The following PUDP variants were observed in gnomAD, a reference collection of about 807,000 sequenced individuals.
PUDP encodes pseudouridine-5'-phosphatase.
Under a neutral mutation model 9.4 loss-of-function variants are expected in PUDP, and 8 were observed. The observed-to-expected ratio is 0.85, with a 90% CI of 0.50 to 1.53. PUDP has a LOEUF of 1.53. Among genes scored for constraint, PUDP ranks in the 40% most tolerant of loss-of-function variants. PUDP has a pLI of 0.00. For missense variants in PUDP, 188 were observed against 189.7 expected, an observed-to-expected ratio of 0.99 and a Z score of 0.05; for synonymous variants, 99 against 80.7, an observed-to-expected ratio of 1.23 and a Z score of -1.22.
intron 3 of PUDP, among the ~76,000 whole-genome samples, chrX:6,762,215 C>T (rs759338177): frequency 2.4e-4 from 27 of 111,582 alleles, no homozygotes; most frequent in Non-Finnish European, 4.7e-4. Context: ...TAAAGCCATA[C>T]TTCCTGCGCC....
intron 1 of PUDP, among the ~76,000 whole-genome samples, chrX:7,016,207 C>T (rs963834442): frequency 1.8e-5 from 2 of 110,406 alleles, no homozygotes; most frequent in Non-Finnish European, 3.8e-5. Context: ...GTGGCATGTA[C>T]CTGCAGTCCT....
intron 1 of PUDP, among the ~76,000 whole-genome samples, chrX:7,039,549 A>G (rs1301138355): frequency 1.8e-5 from 2 of 111,645 alleles, no homozygotes; most frequent in Non-Finnish European, 3.8e-5. Flanking sequence ...ACACAGACAC[A>G]CACAGAGAGA....
At chrX:7,082,236 G>A (rs1356459353) in intron 2 of PUDP, among the ~76,000 whole-genome samples, 1 of 112,189 alleles carries the variant, frequency 8.9e-6, no homozygotes, top group African/African-American at 3.2e-5. Flanking sequence ...CTGTGAGTGG[G>A]AAGAAACGCT....
At position 7,115,813 on chromosome X, in the gene PUDP, G is replaced by A. The variant is rs143860022; in HGVS notation, c.62-9975C>T. On this transcript the variant is annotated intron_variant, in intron 1 of 3. Transcript: ENST00000381077. ...ACTTCACTCCCAGAGTCACGTCCAC[G>A]CACGTGGCTGCAAGGGGGAGCTGGC... Among the ~76,000 whole-genome samples, 802 of 112,562 alleles carry A rather than the reference G, an allele frequency of 7.1e-3. 6 individuals carry two copies. The highest frequency in any genetic ancestry group is 0.025 in the African/African-American group (768 of 30,973).
intron 3 of PUDP, among the ~76,000 whole-genome samples, chrX:7,065,582 C>T (rs1179449098): frequency 1.8e-5 from 2 of 112,148 alleles, no homozygotes; most frequent in African/African-American, 6.5e-5. Flanking sequence ...CATAACGAGG[C>T]TGAATTCACT....
In PUDP at chrX:7,037,925, A is replaced by G. The variant is rs182503388; in HGVS notation, c.204+39295T>C. Among the ~76,000 whole-genome samples the G allele has an allele frequency of 3.7e-3, 412 of 111,790 alleles. 2 individuals carry two copies. Among genetic ancestry groups the G allele is most frequent in the African/African-American group, 0.013 (400 of 30,802 alleles). On this transcript the variant is annotated intron_variant and NMD_transcript_variant, in intron 1 of 3. Transcript: ENST00000655425. ...GTATAATGATGGCAGTTTTAATGCT[A>G]TATAAGGACAGACTATGCAAAAATG...
chrX:6,883,547 TAAAC>T (rs1927379471), intron 3 of PUDP, among the ~76,000 whole-genome samples: 1 of 108,498 alleles, frequency 9.2e-6, no homozygotes, highest in Non-Finnish European at 1.9e-5. Context: ...AAAAAAATTT[TAAAC>T]AATCTGCATA....
chrX:6,856,202 G>A lies in PUDP; in HGVS notation c.*247+120931C>T, dbSNP rs1445631862. ...CTGCTCTGTTCAAAGAAGGGATGGA[G>A]GTAACTGGACCCTCAGGAAAGCAAA... On this transcript the variant is annotated intron_variant and NMD_transcript_variant, in intron 3 of 3. Transcript: ENST00000655425. Among the ~76,000 whole-genome samples, 5 of 111,590 alleles carry A rather than the reference G, an allele frequency of 4.5e-5. No individual in the cohort carries two copies. The East Asian group carries it at 8.4e-4, about 19-fold the overall frequency.
chrX:7,022,908 CA>C (rs1293098940), intron 1 of PUDP, among the ~76,000 whole-genome samples: 1 of 111,598 alleles, frequency 9.0e-6, no homozygotes, highest in Non-Finnish European at 1.9e-5. Context: ...AGGAAACTAA[CA>C]AGGTGAACAC....
At chrX:6,719,337 T>C (rs2146654279) in intron 1 of PUDP, among the ~76,000 whole-genome samples, 1 of 111,427 alleles carries the variant, frequency 9.0e-6, no homozygotes, top group Admixed American at 9.6e-5. Context: ...TTGAACCTAA[T>C]TACCTCTTTA....
intron 3 of PUDP, among the ~76,000 whole-genome samples, chrX:6,898,952 T>C (rs776740133): frequency 1.8e-5 from 2 of 111,671 alleles, no homozygotes; most frequent in East Asian, 5.6e-4. Flanking sequence ...CTTACTATCC[T>C]ACCCAAGAGA....
chrX:7,036,491 A>G (rs1929854092), intron 1 of PUDP, among the ~76,000 whole-genome samples: 1 of 111,506 alleles, frequency 9.0e-6, no homozygotes, highest in South Asian at 3.8e-4. Context: ...CATGCAAGGC[A>G]TTTAGTGTTA....
chrX:6,999,592 G>A (rs1242694200), intron 1 of PUDP, among the ~76,000 whole-genome samples: 1 of 110,918 alleles, frequency 9.0e-6, no homozygotes, highest in African/African-American at 3.3e-5. Context: ...CACTAGGTTA[G>A]AAATCAAGAA....
At chrX:6,727,030 T>C (rs1038105457) in intron 3 of PUDP, among the ~76,000 whole-genome samples, 4 of 111,936 alleles carry the variant, frequency 3.6e-5, no homozygotes, top group Non-Finnish European at 7.5e-5. Context: ...ACCAGTGTGA[T>C]AAATTACGAT....
intron 3 of PUDP, among the ~76,000 whole-genome samples, chrX:6,916,191 T>TACAC (rs747162229): frequency 0.021 from 1,437 of 69,793 alleles, 28 homozygotes; most frequent in East Asian, 0.048. Context: ...ATGCTTTTTC[T>TACAC]ACACACACAC....
At chrX:6,827,137 T>C (rs1401479948) in intron 3 of PUDP, among the ~76,000 whole-genome samples, 2 of 112,068 alleles carry the variant, frequency 1.8e-5, no homozygotes, top group Non-Finnish European at 3.8e-5. Flanking sequence ...GGATCCCACA[T>C]TGCCCAATTA....
chrX:6,876,639 ATGTGTGTGTGTG>A (rs111935866), intron 3 of PUDP, among the ~76,000 whole-genome samples: 9 of 92,797 alleles, frequency 9.7e-5, no homozygotes, highest in African/African-American at 2.7e-4. Flanking sequence ...CTAAAATGTT[ATGTGTGTGTGTG>A]TGTGTGTGTG....
chrX:7,093,391 T>C (rs749740972), intron 2 of PUDP, among the ~76,000 whole-genome samples: 5 of 112,422 alleles, frequency 4.4e-5, no homozygotes, highest in Admixed American at 9.4e-5. Flanking sequence ...CTACCTTCTC[T>C]GTGTGGCAGA....
chrX:6,816,986 AC>A (rs1317555905), intron 3 of PUDP, among the ~76,000 whole-genome samples: 15 of 97,354 alleles, frequency 1.5e-4, no homozygotes, highest in Non-Finnish European at 2.4e-4. Context: ...TATAGTATAT[AC>A]TATATAGTAT....
Sources: gnomAD v4.1 joint callset for allele counts (sites outside exome capture counted in the v4.1 genomes callset) on GRCh38, gnomAD v4.1.1 for gene constraint, MANE v1.5 for transcripts, NCBI Gene and HGNC (gene_info 2026-07-23, HGNC 2026-07-21) for gene names.